Variants in RAPGEF2 observed in about 807,000 individuals in gnomAD.
The protein encoded by RAPGEF2 is Rap guanine nucleotide exchange factor 2.
Under a neutral mutation model 186.7 loss-of-function variants are expected in RAPGEF2, and 54 were observed. The observed-to-expected ratio is 0.29, with a 90% CI of 0.23 to 0.36. RAPGEF2 has a LOEUF of 0.36. RAPGEF2 is among the 10% of genes least tolerant of loss of function. RAPGEF2 has a pLI of 1.00. For synonymous variants in RAPGEF2, 712 were observed against 705.9 expected (o/e 1.01, Z -0.14); for missense variants, 1,532 against 2,045.0 (o/e 0.75, Z 4.84).
At position 159,334,192 on chromosome 4, in the gene RAPGEF2, G is replaced by T. The variant is rs962183008; in HGVS notation, c.2135+1495G>T. ...ATCAATTTTTAAAATAACCTTCGTT[G>T]ATGAAAACCTTATTTTTAAATGGAT... On this transcript the variant is annotated intron_variant, in intron 17 of 29. Coordinates refer to ENST00000691494, the MANE Select transcript of RAPGEF2 (RefSeq NM_001394067.2). Among the ~76,000 whole-genome samples the T allele has an allele frequency of 2.0e-5, 3 of 152,126 alleles. No homozygotes were observed. The East Asian group carries it at 5.8e-4, about 29-fold the overall frequency.
chr4:159,107,258 C>CA (rs774158429), intron 1 of RAPGEF2, among the ~76,000 whole-genome samples: 14 of 152,134 alleles, frequency 9.2e-5, no homozygotes, highest in Non-Finnish European at 1.9e-4. Flanking sequence ...TTTATTTAAC[C>CA]ATTTGGGTTT....
chr4:159,195,665 C>CA (rs1748560687), intron 3 of RAPGEF2, among the ~76,000 whole-genome samples: 1 of 152,086 alleles, frequency 6.6e-6, no homozygotes, highest in African/African-American at 2.4e-5. Flanking sequence ...TAGTCACCAG[C>CA]ATTTTCTGAC....
At chr4:159,153,189 T>C (rs766726548) in intron 1 of RAPGEF2, among the ~76,000 whole-genome samples, 1 of 152,238 alleles carries the variant, frequency 6.6e-6, no homozygotes. Flanking sequence ...GATTTTGATG[T>C]AGAATTTTGG....
At chr4:159,273,939 G>A (rs1018360357) in intron 7 of RAPGEF2, among the ~76,000 whole-genome samples, 5 of 151,952 alleles carry the variant, frequency 3.3e-5, no homozygotes, top group South Asian at 2.1e-4. Flanking sequence ...TTACAGGTGC[G>A]TGCCACCACG....
chr4:159,294,257 G>A (rs1164995248), intron 7 of RAPGEF2, among the ~76,000 whole-genome samples: 1 of 151,992 alleles, frequency 6.6e-6, no homozygotes, highest in East Asian at 1.9e-4. Context: ...TTTTTTCTTT[G>A]ACTTTAAACA....
At chr4:159,335,662 C>T (rs1181863812) in intron 17 of RAPGEF2, among the ~76,000 whole-genome samples, 1 of 151,778 alleles carries the variant, frequency 6.6e-6, no homozygotes, top group Admixed American at 6.6e-5. Context: ...GGTGAAACCC[C>T]GTCTCTACTA....
chr4:159,309,995 G>T (rs61100152), intron 8 of RAPGEF2, among the ~76,000 whole-genome samples: 13,276 of 151,900 alleles, frequency 0.087, 1,931 homozygotes, highest in African/African-American at 0.3. Context: ...TTTTAATAAA[G>T]GATCAAAACA....
At chr4:159,150,892 T>C (rs1208584743) in intron 1 of RAPGEF2, among the ~76,000 whole-genome samples, 1 of 152,164 alleles carries the variant, frequency 6.6e-6, no homozygotes, top group Non-Finnish European at 1.5e-5. Context: ...CTGCCCTCCT[T>C]CTCTGCTTTG....
chr4:159,303,906 C>T (rs544566135), intron 7 of RAPGEF2, among the ~76,000 whole-genome samples: 40 of 152,244 alleles, frequency 2.6e-4, no homozygotes, highest in Non-Finnish European at 4.4e-4. Context: ...CTAAGATGCT[C>T]TCTTTTTTAA....
intron 7 of RAPGEF2, among the ~76,000 whole-genome samples, chr4:159,279,705 G>A (rs1472134451): frequency 6.6e-6 from 1 of 151,436 alleles, no homozygotes; most frequent in Non-Finnish European, 1.5e-5. Context: ...TTTTGAGACA[G>A]GGTCTTACTC....
At chr4:159,269,406 A>G (rs991008029) in intron 7 of RAPGEF2, among the ~76,000 whole-genome samples, 16 of 151,846 alleles carry the variant, frequency 1.1e-4, no homozygotes, top group Admixed American at 1.3e-4. Context: ...TACTTCACTA[A>G]TTAACTCTCT....
At chr4:159,323,438 G>A (rs760133437) in intron 10 of RAPGEF2, 21 bp from the exon 11 acceptor site, 1 of 1,566,556 alleles carries the variant, frequency 6.4e-7, no homozygotes, top group Non-Finnish European at 8.7e-7. Context: ...TTTCTGCTTT[G>A]TCTTTATTTT....
At chr4:159,239,715 G>T (rs1189458743) in intron 5 of RAPGEF2, among the ~76,000 whole-genome samples, 1 of 152,192 alleles carries the variant, frequency 6.6e-6, no homozygotes, top group Non-Finnish European at 1.5e-5. Flanking sequence ...TGAGGTGGAA[G>T]GGGAGTTTCC....
intron 7 of RAPGEF2, among the ~76,000 whole-genome samples, chr4:159,300,397 G>C (rs138164548): frequency 6.6e-6 from 1 of 151,576 alleles, no homozygotes; most frequent in Non-Finnish European, 1.5e-5. Flanking sequence ...TAGGTTGCTT[G>C]CTCCAGGAAC....
intron 1 of RAPGEF2, among the ~76,000 whole-genome samples, chr4:159,149,132 A>G (rs1470729750): frequency 6.6e-6 from 1 of 152,256 alleles, no homozygotes; most frequent in African/African-American, 2.4e-5. Flanking sequence ...ATACTGTTCT[A>G]AATAAAAATA....
intron 8 of RAPGEF2, 129 bp from the exon 9 acceptor site, chr4:159,314,462 A>G: frequency 1.2e-6 from 1 of 825,830 alleles, no homozygotes; most frequent in East Asian, 2.9e-5. Context: ...TTTCTGGTGC[A>G]TACATAGTTG....
intron 1 of RAPGEF2, among the ~76,000 whole-genome samples, chr4:159,166,267 T>A (rs1256786637): frequency 6.6e-6 from 1 of 151,692 alleles, no homozygotes; most frequent in Non-Finnish European, 1.5e-5. Flanking sequence ...TGAGCCGAGA[T>A]CATGCCACTG....
chr4:159,251,861 C>G (rs142078721), intron 7 of RAPGEF2, among the ~76,000 whole-genome samples: 11 of 151,770 alleles, frequency 7.2e-5, no homozygotes, highest in Non-Finnish European at 1.3e-4. Context: ...CCGCCGCGAT[C>G]TGCTTGGGTT....
At chr4:159,156,937 C>A (rs550170093) in intron 1 of RAPGEF2, among the ~76,000 whole-genome samples, 2 of 152,130 alleles carry the variant, frequency 1.3e-5, no homozygotes, top group African/African-American at 4.8e-5. Context: ...TTAAAATAAC[C>A]TAGACATTTA....
Sources: gnomAD v4.1 joint callset for allele counts (sites outside exome capture counted in the v4.1 genomes callset) on GRCh38, gnomAD v4.1.1 for gene constraint, MANE v1.5 for transcripts, NCBI Gene and HGNC (gene_info 2026-07-23, HGNC 2026-07-21) for gene names.